The following NAALADL2 variants were observed in gnomAD, a reference collection of about 807,000 sequenced individuals.
NAALADL2 encodes inactive N-acetylated-alpha-linked acidic dipeptidase-like protein 2.
Under a neutral mutation model 87.2 loss-of-function variants are expected in NAALADL2, and 76 were observed. That is an observed-to-expected ratio of 0.87 (90% CI 0.72 to 1.05). The LOEUF is 1.05. Ranked by LOEUF, NAALADL2 falls within the 50% of genes least tolerant of loss-of-function variation. NAALADL2 has a pLI of 0.00. For synonymous variants in NAALADL2, 354 were observed against 331.0 expected, an observed-to-expected ratio of 1.07 and a Z score of -0.75; for missense variants, 1,089 against 945.8, an observed-to-expected ratio of 1.15 and a Z score of -1.99.
At chr3:175,690,134 C>A (rs1736847478) in intron 11 of NAALADL2, among the ~76,000 whole-genome samples, 1 of 151,900 alleles carries the variant, frequency 6.6e-6, no homozygotes, top group Non-Finnish European at 1.5e-5. Context: ...TCTTTCATGC[C>A]ACCTGGGAGA....
chr3:175,289,211 T>G (rs529888968), intron 4 of NAALADL2, among the ~76,000 whole-genome samples: 44 of 152,256 alleles, frequency 2.9e-4, no homozygotes, highest in African/African-American at 7.9e-4. Context: ...TAAATAGCTC[T>G]GTGAAATTTT....
intron 3 of NAALADL2, among the ~76,000 whole-genome samples, chr3:174,743,991 T>A (rs981002261): frequency 3.3e-5 from 5 of 151,904 alleles, no homozygotes. Flanking sequence ...TTTTTTGCAT[T>A]TTCTTTGGTC....
At chr3:174,915,356 A>G (rs1304401216) in intron 1 of NAALADL2, among the ~76,000 whole-genome samples, 1 of 152,162 alleles carries the variant, frequency 6.6e-6, no homozygotes, top group Non-Finnish European at 1.5e-5. Context: ...GTAATTAGAC[A>G]TACTGAAGTT....
chr3:175,145,939 T>A (rs145809441), intron 2 of NAALADL2, among the ~76,000 whole-genome samples: 106 of 152,260 alleles, frequency 7.0e-4, no homozygotes, highest in Admixed American at 1.8e-3. Context: ...AATCAAGTAC[T>A]GACTGACTCC....
chr3:175,038,867 G>T (rs1753727354), intron 1 of NAALADL2, among the ~76,000 whole-genome samples: 1 of 152,044 alleles, frequency 6.6e-6, no homozygotes, highest in Non-Finnish European at 1.5e-5. Context: ...GAAAGAGGGT[G>T]CTATTAATAT....
At chr3:174,628,991 A>C (rs192838294) in intron 2 of NAALADL2, among the ~76,000 whole-genome samples, 2 of 152,214 alleles carry the variant, frequency 1.3e-5, no homozygotes, top group African/African-American at 4.8e-5. Context: ...AACAGTGACC[A>C]GGTTATAAAA....
chr3:174,804,764 T>G (rs1010123783), intron 3 of NAALADL2, among the ~76,000 whole-genome samples: 10 of 152,178 alleles, frequency 6.6e-5, no homozygotes, highest in African/African-American at 2.4e-4. Context: ...AGTAAAAAAG[T>G]AGGGTTGAAG....
chr3:175,145,218 A>G (rs1381654962), intron 2 of NAALADL2, among the ~76,000 whole-genome samples: 1 of 152,020 alleles, frequency 6.6e-6, no homozygotes, highest in Non-Finnish European at 1.5e-5. Flanking sequence ...CACATGGATC[A>G]ATGTTCAGTC....
chr3:174,532,944 CTCCTTTTT>C (rs970443175), intron 1 of NAALADL2, among the ~76,000 whole-genome samples: 1 of 151,646 alleles, frequency 6.6e-6, no homozygotes, highest in Admixed American at 6.6e-5. Flanking sequence ...TTCTCCTTTT[CTCCTTTTT>C]GCCTTTGTTA....
At chr3:175,612,301 T>G (rs1441612135) in intron 10 of NAALADL2, among the ~76,000 whole-genome samples, 1 of 152,184 alleles carries the variant, frequency 6.6e-6, no homozygotes, top group Non-Finnish European at 1.5e-5. Context: ...CTGCACAATT[T>G]TACATATTGG....
intron 2 of NAALADL2, among the ~76,000 whole-genome samples, chr3:174,629,146 G>A (rs1721873598): frequency 6.6e-6 from 1 of 152,108 alleles, no homozygotes; most frequent in Non-Finnish European, 1.5e-5. Context: ...TACAGATGAG[G>A]CAATTACATT....
intron 2 of NAALADL2, among the ~76,000 whole-genome samples, chr3:175,135,066 T>C (rs1397609692): frequency 6.6e-6 from 1 of 152,196 alleles, no homozygotes; most frequent in Non-Finnish European, 1.5e-5. Flanking sequence ...TCTATAGCTC[T>C]TTATTAACAA....
intron 1 of NAALADL2, among the ~76,000 whole-genome samples, chr3:174,867,809 T>C (rs1727346992): frequency 1.3e-5 from 2 of 152,148 alleles, no homozygotes; most frequent in South Asian, 4.1e-4. Flanking sequence ...AGAATAATAA[T>C]AGTTGGCATA....
intron 3 of NAALADL2, among the ~76,000 whole-genome samples, chr3:174,813,286 C>CA (rs546961627): frequency 5.9e-5 from 9 of 152,110 alleles, no homozygotes; most frequent in Non-Finnish European, 7.4e-5. Flanking sequence ...AAAAAAAACA[C>CA]AAAAAATCTC....
intron 1 of NAALADL2, among the ~76,000 whole-genome samples, chr3:175,005,554 CAATA>C (rs1487866356): frequency 6.6e-6 from 1 of 151,994 alleles, no homozygotes; most frequent in Non-Finnish European, 1.5e-5. Flanking sequence ...AATAAATAAA[CAATA>C]AAATATTGTA....
intron 3 of NAALADL2, among the ~76,000 whole-genome samples, chr3:174,802,274 C>G (rs1244504257): frequency 1.3e-5 from 2 of 152,008 alleles, no homozygotes; most frequent in Non-Finnish European, 2.9e-5. Flanking sequence ...AGCCTGTCAA[C>G]AAACATTAAA....
chr3:174,919,521 C>A (rs553313318), intron 1 of NAALADL2, among the ~76,000 whole-genome samples: 213 of 152,216 alleles, frequency 1.4e-3, no homozygotes, highest in Non-Finnish European at 2.2e-3. Context: ...TTGAGCAATT[C>A]AGTCATCTCT....
intron 2 of NAALADL2, among the ~76,000 whole-genome samples, chr3:175,099,408 G>T (rs1039083486): frequency 1.3e-5 from 2 of 152,222 alleles, no homozygotes; most frequent in South Asian, 2.1e-4. Flanking sequence ...GGTCCATGAA[G>T]TAGCCATATT....
chr3:174,592,140 A>G (rs1010141886), intron 2 of NAALADL2, among the ~76,000 whole-genome samples: 2 of 152,184 alleles, frequency 1.3e-5, no homozygotes, highest in Non-Finnish European at 2.9e-5. Context: ...TTTATTGTGA[A>G]GAAAGATGGC....
Sources: gnomAD v4.1 joint callset for allele counts (sites outside exome capture counted in the v4.1 genomes callset) on GRCh38, gnomAD v4.1.1 for gene constraint, MANE v1.5 for transcripts, NCBI Gene and HGNC (gene_info 2026-07-23, HGNC 2026-07-21) for gene names.